COL4A6: variants seen among roughly 807,000 people sequenced by gnomAD.
COL4A6 encodes the protein collagen type IV alpha 6 chain, also known as collagen alpha-6(IV) chain.
A neutral mutation model predicts 126.7 loss-of-function variants in COL4A6; 59 were observed. The observed-to-expected ratio is 0.47, with a 90% confidence interval of 0.38 to 0.58. The LOEUF (loss-of-function observed/expected upper bound fraction) is 0.58, where lower values mean the gene tolerates loss of function less well. Among genes scored for constraint, COL4A6 ranks in the 20% least tolerant of loss-of-function variants. The pLI, the probability that COL4A6 is intolerant of heterozygous loss-of-function variation, is 0.00. For synonymous variants in COL4A6, 547 were observed against 496.6 expected (o/e 1.10, Z -1.35); for missense variants, 1,285 against 1,337.3 (o/e 0.96, Z 0.61).
At chrX:108,316,082 GAC>G (rs2038875256) in intron 2 of COL4A6, among the ~76,000 whole-genome samples, 3 of 112,029 alleles carry the variant, frequency 2.7e-5, no homozygotes, top group South Asian at 7.5e-4. Flanking sequence ...TGGCAAGGAT[GAC>G]AATGATGCAA....
chrX:108,283,013 G>A (rs2037890901), intron 3 of COL4A6, among the ~76,000 whole-genome samples: 1 of 64,488 alleles, frequency 1.6e-5, no homozygotes, highest in African/African-American at 6.1e-5. Flanking sequence ...GGGGGGAGGG[G>A]GGAGGGATAG....
chrX:108,233,112 T>C (rs2036349999), intron 3 of COL4A6, among the ~76,000 whole-genome samples: 1 of 112,226 alleles, frequency 8.9e-6, no homozygotes, highest in Admixed American at 9.5e-5. Context: ...TAAAAATACA[T>C]GGTTTAATTA....
intron 3 of COL4A6, among the ~76,000 whole-genome samples, chrX:108,250,828 T>C (rs752783270): frequency 8.9e-6 from 1 of 112,071 alleles, no homozygotes; most frequent in African/African-American, 3.2e-5. Context: ...CATTCTGCCT[T>C]GATGAGAGGC....
chrX:108,254,542 G>C (rs185643763), intron 3 of COL4A6, among the ~76,000 whole-genome samples: 2 of 109,983 alleles, frequency 1.8e-5, no homozygotes, highest in Admixed American at 1.9e-4. Flanking sequence ...GGTTCACTTT[G>C]AATCAACACA....
In COL4A6 at chrX:108,377,941, C is replaced by CAAAAAAAAAAAA. The variant is rs745969449; in HGVS notation, c.63+59989_63+60000dup. 2.3e-3 allele frequency among the ~76,000 whole-genome samples: 17 copies of CAAAAAAAAAAAA among 7,248 alleles called. 2 individuals are homozygous for CAAAAAAAAAAAA. Among genetic ancestry groups the CAAAAAAAAAAAA allele is most frequent in the African/African-American group, 5.8e-3 (15 of 2,606 alleles). The allele number at this position is 7,248 out of a possible 115,157, so 6.3% of individuals were successfully genotyped here. A position where few individuals can be genotyped will look rare whatever the true frequency, so the allele number is the denominator to read the frequency against. On this transcript the variant is annotated intron_variant, in intron 2 of 44. Transcript: ENST00000334504. Reference sequence around the variant, plus strand: ...TGGGCGACAGAGCAAGACTCCGTCTCAAAAAAAAAAAAAAAAAAAAAAAAA... The same window carrying CAAAAAAAAAAAA: ...TGGGCGACAGAGCAAGACTCCGTCTCAAAAAAAAAAAAAAAAAAAAAAAAAAAAAAAAAAAAA...
At position 108,163,049 on chromosome X, in the gene COL4A6, G is replaced by A. The variant is rs1393394241; in HGVS notation, c.4070-11C>T. On this transcript the variant is annotated splice_polypyrimidine_tract_variant and intron_variant, in intron 40 of 44. Transcript: ENST00000334504. ...GGAGGCCAGAAGAGCCTGTGGGCAGGTGGGGGAAATAAGAACATCAGGCTG... is the reference window on the plus strand; with the variant it reads ...GGAGGCCAGAAGAGCCTGTGGGCAGATGGGGGAAATAAGAACATCAGGCTG... The A allele has an allele frequency of 8.4e-7, 1 of 1,189,122 alleles. No individual in the cohort carries two copies. Among genetic ancestry groups the A allele is most frequent in the African/African-American group, 1.8e-5 (1 of 56,267 alleles).
intron 3 of COL4A6, among the ~76,000 whole-genome samples, chrX:108,276,494 C>T (rs2037606917): frequency 8.9e-6 from 1 of 112,613 alleles, no homozygotes; most frequent in African/African-American, 3.2e-5. Flanking sequence ...ATTTATTTAG[C>T]ACCTACTATG....
chrX:108,281,438 G>A (rs1455701408), intron 3 of COL4A6, among the ~76,000 whole-genome samples: 121 of 97,464 alleles, frequency 1.2e-3, no homozygotes, highest in African/African-American at 4.1e-3. Flanking sequence ...CAACTTACAA[G>A]GGATGTGAAG....
intron 24 of COL4A6, 103 bp downstream of exon 24, chrX:108,180,794 G>A: frequency 6.6e-6 from 6 of 907,438 alleles, no homozygotes; most frequent in Non-Finnish European, 9.5e-6. Context: ...GCTGCCCTCA[G>A]GAGGAATGTG....
At chrX:108,409,978 A>G (rs2041293510) in intron 2 of COL4A6, among the ~76,000 whole-genome samples, 1 of 111,658 alleles carries the variant, frequency 9.0e-6, no homozygotes, top group South Asian at 3.8e-4. Flanking sequence ...TCCTCCTATC[A>G]TCCAGGAAAG....
chrX:108,289,311 G>A (rs2038096776), intron 3 of COL4A6, among the ~76,000 whole-genome samples: 1 of 105,976 alleles, frequency 9.4e-6, no homozygotes, highest in African/African-American at 3.5e-5. Context: ...GTTCTTAGGA[G>A]ATTCATGCTT....
intron 2 of COL4A6, among the ~76,000 whole-genome samples, chrX:108,353,127 G>T (rs1350818742): frequency 2.7e-5 from 3 of 111,583 alleles, no homozygotes; most frequent in African/African-American, 9.8e-5. Context: ...TGTCCTCAGT[G>T]TTTCTAGGTC....
intron 23 of COL4A6, chrX:108,183,604 A>T: frequency 4.6e-6 from 2 of 432,347 alleles, no homozygotes; most frequent in Non-Finnish European, 6.7e-6. Context: ...CCACTCCCCA[A>T]ACAGGGCATC....
At chrX:108,267,673 A>T (rs1165771313) in intron 3 of COL4A6, 2 of 16,598 alleles carry the variant, frequency 1.2e-4, no homozygotes, top group Non-Finnish European at 0.014. Flanking sequence ...ATTTCAACCT[A>T]AAACACACAA....
At chrX:108,162,356 T>G (rs1281907134) in intron 41 of COL4A6, among the ~76,000 whole-genome samples, 1 of 59,328 alleles carries the variant, frequency 1.7e-5, no homozygotes, top group Non-Finnish European at 3.5e-5. Flanking sequence ...ATCTCAAAAA[T>G]AAAAAAAAAT....
intron 2 of COL4A6, among the ~76,000 whole-genome samples, chrX:108,363,177 A>T (rs2040125174): frequency 8.9e-6 from 1 of 111,938 alleles, no homozygotes; most frequent in Non-Finnish European, 1.9e-5. Context: ...GGCAAACACA[A>T]AGCAAGATTA....
chrX:108,188,370 G>T, intron 21 of COL4A6, 147 bp downstream of exon 21: 1 of 523,291 alleles, frequency 1.9e-6, no homozygotes, highest in Non-Finnish European at 2.8e-6. Flanking sequence ...AGACTCTATA[G>T]TCAGATTTCA....
chrX:108,157,370 T>C, intron 44 of COL4A6, 110 bp from the exon 45 acceptor site: 1 of 1,052,723 alleles, frequency 9.5e-7, no homozygotes, highest in Non-Finnish European at 1.3e-6. Context: ...TCCTAAGCCC[T>C]GGTTCCTTGT....
rs1156883574 is a variant in COL4A6, at chrX:108,188,537, G to C, written c.1567C>G (p.Gln523Glu). ...CTTACTGGAGCCCCTGCTGGGCCCT[G>C]TGCACCCCCAGAGCCTCGATCTCCT... ...ARGDRGSGGA[Q>E]GPAGAPGLVG... Residue 523 changes from glutamine to glutamate, a missense_variant, in exon 21 of 45, where the codon CAG (glutamine) becomes GAG (glutamate). By Grantham distance (29) the Gln-to-Glu change is conservative. Coordinates refer to ENST00000334504, the MANE Select transcript of COL4A6 (RefSeq NM_033641.4). The C allele has an allele frequency of 2.6e-6, 3 of 1,144,276 alleles. No individual in the cohort carries two copies. In the Admixed American group the frequency reaches 8.3e-5, roughly 32 times the overall value. The allele number at this position is 1,144,276 out of a possible 1,213,427, so 94.3% of individuals were successfully genotyped here. A position where few individuals can be genotyped will look rare whatever the true frequency, so the allele number is the denominator to read the frequency against.
Sources: gnomAD v4.1 joint callset for allele counts (sites outside exome capture counted in the v4.1 genomes callset) on GRCh38, gnomAD v4.1.1 for gene constraint, MANE v1.5 for transcripts, NCBI Gene and HGNC (gene_info 2026-07-23, HGNC 2026-07-21) for gene names.